Variants in DCHS2 observed in about 807,000 individuals in gnomAD.
DCHS2 encodes the protein dachsous cadherin-related 2, also known as protocadherin-23.
Under a neutral mutation model 182.4 loss-of-function variants are expected in DCHS2, and 142 were observed. The observed-to-expected ratio is 0.78, with a 90% CI of 0.68 to 0.89. The LOEUF (loss-of-function observed/expected upper bound fraction) is 0.89, where lower values mean the gene tolerates loss of function less well. Among genes scored for constraint, DCHS2 ranks in the 40% least tolerant of loss-of-function variants. DCHS2 has a pLI of 0.00. For synonymous variants in DCHS2, 1,740 were observed against 1,663.3 expected (o/e 1.05, Z -1.12); for missense variants, 4,319 against 4,198.6 (o/e 1.03, Z -0.79).
At chr4:154,270,048 G>T in intron 13 of DCHS2, 35 bp from the exon 14 acceptor site, 1 of 1,562,194 alleles carries the variant, frequency 6.4e-7, no homozygotes, top group Non-Finnish European at 8.6e-7. Flanking sequence ...ACTCCATTAG[G>T]ATAAAAAAAT....
At chr4:154,261,450 G>T (rs756481854) in intron 14 of DCHS2, among the ~76,000 whole-genome samples, 21 of 152,046 alleles carry the variant, frequency 1.4e-4, no homozygotes, top group Non-Finnish European at 2.5e-4. Flanking sequence ...TCAACTACTA[G>T]AAGTTCGATC....
intron 1 of DCHS2, 68 bp downstream of exon 1, chr4:154,489,236 G>A: frequency 3.1e-6 from 4 of 1,295,120 alleles, no homozygotes; most frequent in Non-Finnish European, 4.2e-6. Context: ...CAATTTCCTA[G>A]GCCAACTCAC....
chr4:154,387,219 C>T (rs1731460615), intron 1 of DCHS2, among the ~76,000 whole-genome samples: 1 of 152,058 alleles, frequency 6.6e-6, no homozygotes, highest in East Asian at 1.9e-4. Flanking sequence ...AATTATTGTC[C>T]TTTCTTCCCA....
In DCHS2 at chr4:154,236,446, A is replaced by T. The variant is rs372014400; in HGVS notation, c.8206T>A (p.Phe2736Ile). ...TCTGAAGCTTGGACAGTTAAGGTGA[A>T]TTTTGTCATTTTTTCATAATCCAGA... is the stretch of plus-strand genomic sequence containing the variant. ...KPLDYEKMTKFTLTVQASDAE... is the reference protein window; with the variant it reads ...KPLDYEKMTKITLTVQASDAE... The change falls in exon 20 of 20, where the codon TTC becomes ATC. Residue 2736 changes from phenylalanine to isoleucine, a missense_variant. Coordinates refer to ENST00000357232, the MANE Select transcript of DCHS2 (RefSeq NM_001358235.2). 5 of 1,613,890 alleles carry T rather than the reference A, an allele frequency of 3.1e-6. No individual in the cohort carries two copies. In the African/African-American group the frequency reaches 5.3e-5, roughly 17 times the overall value.
At chr4:154,477,631 G>A (rs1362893344) in intron 1 of DCHS2, among the ~76,000 whole-genome samples, 1 of 152,174 alleles carries the variant, frequency 6.6e-6, no homozygotes, top group Admixed American at 6.5e-5. Context: ...AATTATCAAA[G>A]GAAATGTCAG....
intron 13 of DCHS2, among the ~76,000 whole-genome samples, chr4:154,274,255 A>T (rs568086054): frequency 6.6e-6 from 1 of 152,164 alleles, no homozygotes; most frequent in Non-Finnish European, 1.5e-5. Context: ...TAAGTGTTGG[A>T]AAATAATTTA....
At chr4:154,395,868 A>C (rs1275322589) in intron 1 of DCHS2, among the ~76,000 whole-genome samples, 1 of 152,238 alleles carries the variant, frequency 6.6e-6, no homozygotes, top group African/African-American at 2.4e-5. Context: ...AAGAGGGAAG[A>C]AAACATAAGG....
intron 1 of DCHS2, among the ~76,000 whole-genome samples, chr4:154,416,530 T>C (rs908861802): frequency 1.2e-4 from 19 of 152,220 alleles, no homozygotes; most frequent in African/African-American, 4.3e-4. Context: ...TCCTCTTTTG[T>C]GCCATCTGAT....
Position 154,452,060 on chromosome 4 carries a change from G to A in DCHS2, c.2052+37244C>T, listed in dbSNP as rs116368247. On this transcript the variant is annotated intron_variant, in intron 1 of 19. Coordinates refer to ENST00000357232, the MANE Select transcript of DCHS2 (RefSeq NM_001358235.2). ...ATTGCCCAAAGGGCTGATGTACAAA[G>A]TGGCCACACAGTCATCTAGTGCTTG... Among the ~76,000 whole-genome samples, 409 of 152,266 alleles carry A rather than the reference G, an allele frequency of 2.7e-3. 4 individuals are homozygous for A. The highest frequency in any genetic ancestry group is 9.4e-3 in the African/African-American group (391 of 41,556).
chr4:154,376,215 G>A (rs181930315), intron 2 of DCHS2, among the ~76,000 whole-genome samples: 1 of 152,098 alleles, frequency 6.6e-6, no homozygotes, highest in East Asian at 1.9e-4. Flanking sequence ...TATTATTTGT[G>A]CATTTCTCTG....
intron 3 of DCHS2, among the ~76,000 whole-genome samples, chr4:154,351,915 T>C (rs751422327): frequency 7.2e-5 from 11 of 152,154 alleles, no homozygotes; most frequent in Non-Finnish European, 1.5e-4. Flanking sequence ...ACCCCTGCCC[T>C]ATGAAGGCAC....
chr4:154,487,343 T>C (rs1398545037), intron 1 of DCHS2, among the ~76,000 whole-genome samples: 2 of 152,178 alleles, frequency 1.3e-5, no homozygotes, highest in Non-Finnish European at 1.5e-5. Flanking sequence ...TAATGTGACA[T>C]TGGCGGAAGT....
chr4:154,368,427 C>G (rs1289462032), intron 2 of DCHS2, among the ~76,000 whole-genome samples: 1 of 151,890 alleles, frequency 6.6e-6, no homozygotes, highest in African/African-American at 2.4e-5. Context: ...ATTGCCCCAG[C>G]TTAAGATATT....
At chr4:154,322,027 T>C (rs1352898302) in intron 8 of DCHS2, among the ~76,000 whole-genome samples, 2 of 152,110 alleles carry the variant, frequency 1.3e-5, no homozygotes, top group African/African-American at 4.8e-5. Context: ...ACATTAGAAA[T>C]AAGCACAAGA....
chr4:154,439,811 C>T (rs965618445), intron 1 of DCHS2, among the ~76,000 whole-genome samples: 2 of 152,022 alleles, frequency 1.3e-5, no homozygotes, highest in African/African-American at 4.8e-5. Context: ...GTAGTTATGA[C>T]CACAAACAAT....
At chr4:154,350,725 A>G (rs766163020) in intron 3 of DCHS2, among the ~76,000 whole-genome samples, 2 of 152,124 alleles carry the variant, frequency 1.3e-5, no homozygotes, top group South Asian at 4.1e-4. Flanking sequence ...TTTTTTTGCT[A>G]TCAATCTCAT....
Position 154,253,251 on chromosome 4 carries a change from T to C in DCHS2, c.6941+2268A>G, listed in dbSNP as rs535305994. Among the ~76,000 whole-genome samples, 8 of 149,408 alleles carry C rather than the reference T, an allele frequency of 5.4e-5. No individual in the cohort carries two copies. In the East Asian group the frequency reaches 1.4e-3, roughly 26 times the overall value. On this transcript the variant is annotated intron_variant, in intron 16 of 19. Coordinates refer to ENST00000357232, the MANE Select transcript of DCHS2 (RefSeq NM_001358235.2). Reference sequence around the variant, plus strand: ...TCTCTCTGTGGCAGTGTGTAGGGGGTTCAACTTTTCTCAGTTCCTGCTTCT... The same window carrying C: ...TCTCTCTGTGGCAGTGTGTAGGGGGCTCAACTTTTCTCAGTTCCTGCTTCT...
chr4:154,276,807 G>A (rs989033987), intron 13 of DCHS2, among the ~76,000 whole-genome samples: 1 of 152,140 alleles, frequency 6.6e-6, no homozygotes, highest in African/African-American at 2.4e-5. Flanking sequence ...GAAGTCATGG[G>A]ACACCAGGCA....
chr4:154,332,518 A>T lies in DCHS2; in HGVS notation c.3690T>A (p.Leu1230=), dbSNP rs1736578883. 6.2e-7 allele frequency: 1 copy of T among 1,613,946 alleles called. No homozygotes were observed. Among genetic ancestry groups the T allele is most frequent in the East Asian group, 2.2e-5 (1 of 44,870 alleles). ...TCTTGAAGAATTTTCCATCAGACAA[A>T]AGGAAATATAATAGCTGTCCATTCT... ...SGKNGQLLYF[L]LSDGKFFKMN... The change falls in exon 5 of 20, where the codon CTT becomes CTA. Residue 1230 remains leucine (L), a synonymous_variant. Coordinates refer to ENST00000357232, the MANE Select transcript of DCHS2 (RefSeq NM_001358235.2).
Sources: allele counts gnomAD v4.1 joint callset (sites outside exome capture counted in the v4.1 genomes callset), GRCh38; gene constraint gnomAD v4.1.1; transcripts MANE v1.5; gene names NCBI Gene and HGNC (gene_info 2026-07-23, HGNC 2026-07-21).